Variants in PTPRD observed in about 807,000 individuals in gnomAD.
The protein encoded by PTPRD is receptor-type tyrosine-protein phosphatase delta.
In PTPRD, 34 loss-of-function variants were observed where a neutral mutation model predicts 214.5. That is an observed-to-expected ratio of 0.16 (90% CI 0.12 to 0.21). The LOEUF (loss-of-function observed/expected upper bound fraction) is 0.21. Among genes scored for constraint, PTPRD ranks in the 10% least tolerant of loss-of-function variants. The pLI is 1.00. For missense variants in PTPRD, 2,545 were observed against 2,398.7 expected (o/e 1.06, Z -1.27); for synonymous variants, 1,128 against 845.7 (o/e 1.33, Z -5.79).
chr9:9,244,433 A>T (rs576269220), intron 9 of PTPRD, among the ~76,000 whole-genome samples: 14 of 152,288 alleles, frequency 9.2e-5, no homozygotes, highest in Non-Finnish European at 1.3e-4. Flanking sequence ...TGGTACCAAT[A>T]CAGAGATATA....
rs144807632 is a variant in PTPRD, at chr9:8,385,283, T to A, written c.4386+3949A>T. 2.4e-3 allele frequency among the ~76,000 whole-genome samples: 360 copies of A among 152,238 alleles called. 3 individuals carry two copies. Among genetic ancestry groups the A allele is most frequent in the African/African-American group, 8.3e-3 (344 of 41,546 alleles). ...GGCTCAAGCCTGCAGTCCAAACACT[T>A]TGGGGGGCCAAGGTGGAAGGACTGC... On this transcript the variant is annotated intron_variant, in intron 37 of 45. Transcript: ENST00000381196.
chr9:8,695,172 A>C (rs2097885055), intron 12 of PTPRD, among the ~76,000 whole-genome samples: 1 of 152,120 alleles, frequency 6.6e-6, no homozygotes, highest in African/African-American at 2.4e-5. Context: ...CCACATACAG[A>C]GGAAATATTC....
intron 7 of PTPRD, among the ~76,000 whole-genome samples, chr9:9,642,415 T>G (rs1027275686): frequency 6.6e-6 from 1 of 151,802 alleles, no homozygotes; most frequent in Admixed American, 6.6e-5. Flanking sequence ...TAAAGTATAA[T>G]AAAAAAAATA....
intron 2 of PTPRD, among the ~76,000 whole-genome samples, chr9:10,351,677 T>A (rs62539342): frequency 1.3e-5 from 2 of 148,676 alleles, no homozygotes; most frequent in Non-Finnish European, 1.5e-5. Context: ...TTTTTTTTTT[T>A]AATGACAGAG....
At chr9:10,029,664 T>C (rs369762488) in intron 4 of PTPRD, among the ~76,000 whole-genome samples, 3 of 152,216 alleles carry the variant, frequency 2.0e-5, no homozygotes, top group Non-Finnish European at 4.4e-5. Flanking sequence ...ATCCCTATTG[T>C]ACCTAGGAAG....
chr9:8,418,960 T>C (rs2094153706), intron 35 of PTPRD, among the ~76,000 whole-genome samples: 1 of 152,012 alleles, frequency 6.6e-6, no homozygotes, highest in South Asian at 2.1e-4. Flanking sequence ...ATAATGTCCT[T>C]GTAAAAATGG....
chr9:9,590,128 C>G (rs902543028), intron 7 of PTPRD, among the ~76,000 whole-genome samples: 1 of 151,936 alleles, frequency 6.6e-6, no homozygotes, highest in Non-Finnish European at 1.5e-5. Flanking sequence ...ACATTATGCC[C>G]ATCACTTACT....
At chr9:10,488,133 C>A (rs577197221) in intron 2 of PTPRD, among the ~76,000 whole-genome samples, 41 of 151,734 alleles carry the variant, frequency 2.7e-4, no homozygotes, top group African/African-American at 8.9e-4. Context: ...TTTGGGAGCC[C>A]GAGCCGGGTG....
At chr9:8,903,429 T>C (rs907816093) in intron 11 of PTPRD, among the ~76,000 whole-genome samples, 2 of 152,316 alleles carry the variant, frequency 1.3e-5, no homozygotes, top group Middle Eastern at 3.4e-3. Context: ...CTTTAAAGTA[T>C]TACCATTCCT....
At chr9:8,691,430 A>G (rs1056876113) in intron 12 of PTPRD, among the ~76,000 whole-genome samples, 1 of 152,170 alleles carries the variant, frequency 6.6e-6, no homozygotes, top group Non-Finnish European at 1.5e-5. Flanking sequence ...TGCTATTATC[A>G]AATAGTAATG....
At chr9:8,963,602 T>A (rs758367205) in intron 11 of PTPRD, among the ~76,000 whole-genome samples, 4 of 152,084 alleles carry the variant, frequency 2.6e-5, no homozygotes, top group Non-Finnish European at 5.9e-5. Flanking sequence ...ATCCCAGAAA[T>A]AAAGCCTACA....
intron 15 of PTPRD, chr9:8,528,111 A>C (rs2074682745): frequency 4.0e-6 from 1 of 252,784 alleles, no homozygotes; most frequent in Non-Finnish European, 7.4e-6. Context: ...GTTCAAATGT[A>C]GAAAAGATAG....
chr9:10,357,621 G>A (rs1414407020), intron 2 of PTPRD, among the ~76,000 whole-genome samples: 1 of 152,168 alleles, frequency 6.6e-6, no homozygotes, highest in African/African-American at 2.4e-5. Context: ...ATCCTTTTGT[G>A]CTGGTAGGAA....
intron 11 of PTPRD, among the ~76,000 whole-genome samples, chr9:8,742,264 G>A (rs554854776): frequency 4.3e-4 from 65 of 152,018 alleles, no homozygotes; most frequent in Non-Finnish European, 9.0e-4. Context: ...TATATATTAT[G>A]CACAACATGA....
intron 2 of PTPRD, among the ~76,000 whole-genome samples, chr9:10,571,079 T>A (rs998168943): frequency 3.9e-5 from 6 of 152,174 alleles, no homozygotes; most frequent in Admixed American, 3.3e-4. Context: ...TATAGTGAAG[T>A]ATTTTTTAAA....
At position 9,900,641 on chromosome 9, in the gene PTPRD, G is replaced by GTTTTTTTTTTTT. The variant is rs1555302230; in HGVS notation, c.-368+37854_-368+37865dup. 1.8e-4 allele frequency among the ~76,000 whole-genome samples: 22 copies of GTTTTTTTTTTTT among 120,106 alleles called. 3 individuals carry two copies. The highest frequency in any genetic ancestry group is 6.9e-4 in the African/African-American group (22 of 32,096). The allele number at this position is 120,106 out of a possible 152,430, so 78.8% of individuals were successfully genotyped here. On this transcript the variant is annotated intron_variant, in intron 5 of 45. Transcript: ENST00000381196. Reference sequence around the variant, plus strand: ...TCCAAAGGTGCTTCCACATTTTCAGGTTTTTTTTTTTTTTGAGATGGAGTC... The same window carrying GTTTTTTTTTTTT: ...TCCAAAGGTGCTTCCACATTTTCAGGTTTTTTTTTTTTTTTTTTTTTTTTTTGAGATGGAGTC...
intron 10 of PTPRD, among the ~76,000 whole-genome samples, chr9:9,111,416 C>T (rs2099805896): frequency 6.6e-6 from 1 of 151,920 alleles, no homozygotes; most frequent in Admixed American, 6.6e-5. Flanking sequence ...GATGGTTTTT[C>T]TGTGCCTGCT....
intron 10 of PTPRD, among the ~76,000 whole-genome samples, chr9:9,021,828 G>A (rs1589950708): frequency 6.6e-6 from 1 of 152,066 alleles, no homozygotes; most frequent in East Asian, 1.9e-4. Context: ...AAATATTTTT[G>A]TACAGCTGTA....
intron 2 of PTPRD, among the ~76,000 whole-genome samples, chr9:10,382,582 T>A (rs2097845709): frequency 6.6e-6 from 1 of 151,944 alleles, no homozygotes; most frequent in Non-Finnish European, 1.5e-5. Context: ...TATACCCATG[T>A]CTACTGTCCC....
Sources: gnomAD v4.1 joint callset for allele counts (sites outside exome capture counted in the v4.1 genomes callset) on GRCh38, gnomAD v4.1.1 for gene constraint, MANE v1.5 for transcripts, NCBI Gene and HGNC (gene_info 2026-07-23, HGNC 2026-07-21) for gene names.